The following CALHM5 variants were observed in gnomAD, a reference collection of about 807,000 sequenced individuals.
CALHM5 encodes calcium homeostasis modulator protein 5.
In CALHM5, 17 loss-of-function variants were observed where a neutral mutation model predicts 20.9. That is an observed-to-expected ratio of 0.82 (90% CI 0.56 to 1.22). The LOEUF (loss-of-function observed/expected upper bound fraction) is 1.22, where lower values mean the gene tolerates loss of function less well. Among genes scored for constraint, CALHM5 ranks in the 50% most tolerant of loss-of-function variants. CALHM5 has a pLI of 0.00. For missense variants in CALHM5, 360 were observed against 364.6 expected, an observed-to-expected ratio of 0.99 and a Z score of 0.10; for synonymous variants, 148 against 140.0, an observed-to-expected ratio of 1.06 and a Z score of -0.40.
At position 116,511,997 on chromosome 6, in the gene CALHM5, G is replaced by A. The variant is rs916094899; in HGVS notation, c.301G>A (p.Gly101Ser). The A allele has an allele frequency of 1.2e-6, 2 of 1,613,920 alleles. No individual in the cohort carries two copies. The highest frequency in any genetic ancestry group is 1.7e-5 in the Admixed American group (1 of 59,954). Residue 101 changes from glycine (G) to serine (S), a missense_variant, in exon 1 of 2, where the codon GGC (glycine) becomes AGC (serine). By Grantham distance (56) the Gly-to-Ser change is moderately conservative. Transcript: ENST00000368599. ...GHSCRFFYVL[G>S]QITLSSLVAP... ...CAGCTGCCGTTTCTTCTACGTCCTC[G>A]GCCAGATCACTCTGAGCTCATTGGT... is the stretch of plus-strand genomic sequence containing the variant.
rs1342633276 is a variant in CALHM5, at chr6:116,516,860, G to A, written c.*871G>A. ...CCCTTACAAGTATTATGGTCCTTAG[G>A]CACAGTGCTTACTAGGCCGTGGGTA... is the stretch of plus-strand genomic sequence containing the variant. On this transcript the variant is annotated 3_prime_UTR_variant, in exon 2 of 2. Transcript: ENST00000368599. 1.3e-5 allele frequency: 2 copies of A among 151,778 alleles called. No individual in the cohort carries two copies. The highest frequency in any genetic ancestry group is 6.6e-5 in the Admixed American group (1 of 15,238). The allele number at this position is 151,778 out of a possible 1,614,324, so 9.4% of individuals were successfully genotyped here.
Position 116,521,532 on chromosome 6 carries a change from C to G in CALHM5, c.*5543C>G, listed in dbSNP as rs2753109. 0.69 allele frequency: 104,151 copies of G among 151,028 alleles called. 36,124 individuals carry two copies. The highest frequency in any genetic ancestry group is 0.89 in the East Asian group (4,560 of 5,108). 9.4% of individuals were successfully genotyped at this position (151,028 alleles called of 1,614,324 possible). A position where few individuals can be genotyped will look rare whatever the true frequency, so the allele number is the denominator to read the frequency against. The stretch of plus-strand genomic sequence containing the variant: ...GGAGAGAGAGGGAGAGAGAGAGAGA[C>G]AGAGAGCAAATTTGCCCATCCTCTC... On this transcript the variant is annotated 3_prime_UTR_variant, in exon 2 of 2. Coordinates refer to ENST00000368599, the MANE Select transcript of CALHM5 (RefSeq NM_153711.5).
rs951605238 is a variant in CALHM5 at position 116,524,734 on chromosome 6, T to C, written c.*8745T>C. The C allele has an allele frequency of 6.6e-6, 1 of 152,218 alleles. No homozygotes were observed. The highest frequency in any genetic ancestry group is 2.4e-5 in the African/African-American group (1 of 41,474). 9.4% of individuals were successfully genotyped at this position (152,218 alleles called of 1,614,324 possible). A position where few individuals can be genotyped will look rare whatever the true frequency, so the allele number is the denominator to read the frequency against. ...TTTTTCCTGCTACAAGTTTACTCTT[T>C]CATTGTGGAGAATCATTTTCTTATA... On this transcript the variant is annotated 3_prime_UTR_variant, in exon 2 of 2. Coordinates refer to ENST00000368599, the MANE Select transcript of CALHM5 (RefSeq NM_153711.5).
rs944489140 is a variant in CALHM5, at chr6:116,522,417, G to C, written c.*6428G>C. ...ACATGAAAATCAGAATTTATAAAAA[G>C]ACAAAAATTACAGGCAAATTGTATT... On this transcript the variant is annotated 3_prime_UTR_variant, in exon 2 of 2. Coordinates refer to ENST00000368599, the MANE Select transcript of CALHM5 (RefSeq NM_153711.5). 39 of 152,136 alleles carry C rather than the reference G, an allele frequency of 2.6e-4. No homozygotes were observed. The highest frequency in any genetic ancestry group is 8.9e-4 in the African/African-American group (37 of 41,432). The allele number at this position is 152,136 out of a possible 1,614,324, so 9.4% of individuals were successfully genotyped here. A position where few individuals can be genotyped will look rare whatever the true frequency, so the allele number is the denominator to read the frequency against.
At chr6:116,512,361 T>G in intron 1 of CALHM5, 125 bp downstream of exon 1, 1 of 1,090,766 alleles carries the variant, frequency 9.2e-7, no homozygotes, top group Non-Finnish European at 1.3e-6. Context: ...AACTGAAACA[T>G]GATGCAGCAT....
rs1772332945 is a variant in CALHM5 at position 116,521,203 on chromosome 6, T to A, written c.*5214T>A. ...CATGACAAATATATAACAAAATATATGTGCTATATATATTGTGTGTGTATA... is the reference window on the plus strand; with the variant it reads ...CATGACAAATATATAACAAAATATAAGTGCTATATATATTGTGTGTGTATA... On this transcript the variant is annotated 3_prime_UTR_variant, in exon 2 of 2. Coordinates refer to ENST00000368599, the MANE Select transcript of CALHM5 (RefSeq NM_153711.5). 1 of 152,034 alleles carries A rather than the reference T, an allele frequency of 6.6e-6. No homozygotes were observed. The highest frequency in any genetic ancestry group is 1.5e-5 in the Non-Finnish European group (1 of 68,024). The allele number at this position is 152,034 out of a possible 1,614,324, so 9.4% of individuals were successfully genotyped here.
rs1562340347 is a variant in CALHM5 at position 116,515,709 on chromosome 6, C to T, written c.650C>T (p.Thr217Ile). ...VSYLQLSFWK[T>I]YAQKEKEQLE... ...TACCTTCAGCTGAGTTTTTGGAAGA[C>T]ATATGCACAAAAGGAGAAGGAGCAG... Residue 217 changes from threonine (T) to isoleucine (I), a missense_variant, in exon 2 of 2, where the codon ACA becomes ATA. Physicochemically the swap from Thr to Ile is moderately conservative, Grantham distance 89 (BLOSUM62 -1). Coordinates refer to ENST00000368599, the MANE Select transcript of CALHM5 (RefSeq NM_153711.5). 1 of 1,613,992 alleles carries T rather than the reference C, an allele frequency of 6.2e-7. No individual in the cohort carries two copies. Among genetic ancestry groups the T allele is most frequent in the Non-Finnish European group, 8.5e-7 (1 of 1,179,928 alleles).
chr6:116,514,843 A>C (rs1313216986), intron 1 of CALHM5, among the ~76,000 whole-genome samples: 1 of 152,258 alleles, frequency 6.6e-6, no homozygotes, highest in African/African-American at 2.4e-5. Flanking sequence ...ACTAAATGTC[A>C]AGAGACACTT....
rs970233407 is a variant in CALHM5 at position 116,520,051 on chromosome 6, T to C, written c.*4062T>C. On this transcript the variant is annotated 3_prime_UTR_variant, in exon 2 of 2. Coordinates refer to ENST00000368599, the MANE Select transcript of CALHM5 (RefSeq NM_153711.5). ...AGTAATGTATTGTAAAATATATGTG[T>C]CCAAAGCAACTTTTAAAATTTTTGT... 1 of 152,188 alleles carries C rather than the reference T, an allele frequency of 6.6e-6. No individual in the cohort carries two copies. Among genetic ancestry groups the C allele is most frequent in the Admixed American group, 6.5e-5 (1 of 15,274 alleles). 9.4% of individuals were successfully genotyped at this position (152,188 alleles called of 1,614,324 possible).
rs147656108 is a variant in CALHM5 at position 116,517,707 on chromosome 6, C to A, written c.*1718C>A. 1 of 152,042 alleles carries A rather than the reference C, an allele frequency of 6.6e-6. No individual in the cohort carries two copies. The highest frequency in any genetic ancestry group is 2.4e-5 in the African/African-American group (1 of 41,404). 9.4% of individuals were successfully genotyped at this position (152,042 alleles called of 1,614,324 possible). On this transcript the variant is annotated 3_prime_UTR_variant, in exon 2 of 2. Coordinates refer to ENST00000368599, the MANE Select transcript of CALHM5 (RefSeq NM_153711.5). ...CTCCCAAGTGATGTGTCTGGTAGTA[C>A]GCGAATGAGATGACTGATAGTTAGG... is the stretch of plus-strand genomic sequence containing the variant.
At position 116,524,431 on chromosome 6, in the gene CALHM5, A is replaced by G. The variant is rs530668014; in HGVS notation, c.*8442A>G. 3 of 152,310 alleles carry G rather than the reference A, an allele frequency of 2.0e-5. No individual in the cohort carries two copies. Among genetic ancestry groups the G allele is most frequent in the South Asian group, 4.1e-4 (2 of 4,832 alleles). The allele number at this position is 152,310 out of a possible 1,614,324, so 9.4% of individuals were successfully genotyped here. A position where few individuals can be genotyped will look rare whatever the true frequency, so the allele number is the denominator to read the frequency against. ...CTCAGCAAAGGCTCACAGGAATGCT[A>G]TTCTCTGAATTCTTACATATTCAGC... is the stretch of plus-strand genomic sequence containing the variant. On this transcript the variant is annotated 3_prime_UTR_variant, in exon 2 of 2. Transcript: ENST00000368599.
intron 1 of CALHM5, among the ~76,000 whole-genome samples, chr6:116,513,504 C>T (rs1772164869): frequency 6.6e-6 from 1 of 152,168 alleles, no homozygotes; most frequent in African/African-American, 2.4e-5. Flanking sequence ...ATTGTGTGAG[C>T]TTCTCCTCTC....
chr6:116,516,156 G>A lies in CALHM5; in HGVS notation c.*167G>A. ...TTTGAAGCTCTCAAGTGGAACATCA[G>A]GATGTGCTCAAATTGATGCTGAGGG... On this transcript the variant is annotated 3_prime_UTR_variant, in exon 2 of 2. Transcript: ENST00000368599. 1 of 850,196 alleles carries A rather than the reference G, an allele frequency of 1.2e-6. No individual in the cohort carries two copies. Among genetic ancestry groups the A allele is most frequent in the Admixed American group, 3.4e-5 (1 of 29,248 alleles). 52.7% of individuals were successfully genotyped at this position (850,196 alleles called of 1,614,324 possible). A position where few individuals can be genotyped will look rare whatever the true frequency, so the allele number is the denominator to read the frequency against.
Position 116,512,461 on chromosome 6 carries a change from A to C in CALHM5, c.540+225A>C, listed in dbSNP as rs940323865. ...TCTCTTTTCCGGTTCTGAAAAGAAA[A>C]TATCCACTGGATTGTCCACATATAA... On this transcript the variant is annotated intron_variant, in intron 1 of 1. Transcript: ENST00000368599. 6 of 525,654 alleles carry C rather than the reference A, an allele frequency of 1.1e-5. 1 individual carries two copies. Among genetic ancestry groups the C allele is most frequent in the Non-Finnish European group, 6.7e-6 (2 of 296,678 alleles). The allele number at this position is 525,654 out of a possible 1,614,324, so 32.6% of individuals were successfully genotyped here.
Position 116,522,363 on chromosome 6 carries a change from C to A in CALHM5, c.*6374C>A, listed in dbSNP as rs981837199. Reference sequence around the variant, plus strand: ...GGCTTTAAGCCACTGAATTTTGGGGCAATATGAAGCGACAGAACCTGAACA... The same window carrying A: ...GGCTTTAAGCCACTGAATTTTGGGGAAATATGAAGCGACAGAACCTGAACA... On this transcript the variant is annotated 3_prime_UTR_variant, in exon 2 of 2. Coordinates refer to ENST00000368599, the MANE Select transcript of CALHM5 (RefSeq NM_153711.5). 5 of 152,126 alleles carry A rather than the reference C, an allele frequency of 3.3e-5. No homozygotes were observed. Among genetic ancestry groups the A allele is most frequent in the African/African-American group, 1.2e-4 (5 of 41,414 alleles). 9.4% of individuals were successfully genotyped at this position (152,126 alleles called of 1,614,324 possible).
chr6:116,520,085 C>T lies in CALHM5; in HGVS notation c.*4096C>T, dbSNP rs1772303156. On this transcript the variant is annotated 3_prime_UTR_variant, in exon 2 of 2. Coordinates refer to ENST00000368599, the MANE Select transcript of CALHM5 (RefSeq NM_153711.5). ...ACTTTTAAAATTTTTGTATGGTTTTCTACTTGAGACCTTTAAAGCATCACT... is the reference window on the plus strand; with the variant it reads ...ACTTTTAAAATTTTTGTATGGTTTTTTACTTGAGACCTTTAAAGCATCACT... 1 of 152,044 alleles carries T rather than the reference C, an allele frequency of 6.6e-6. No individual in the cohort carries two copies. The highest frequency in any genetic ancestry group is 3.2e-3 in the Middle Eastern group (1 of 316). The allele number at this position is 152,044 out of a possible 1,614,324, so 9.4% of individuals were successfully genotyped here.
At position 116,516,718 on chromosome 6, in the gene CALHM5, C is replaced by G. The variant is rs1419329836; in HGVS notation, c.*729C>G. ...ATATATATATATATATACACACACACAGAAATATATATTTATAACTGCATT... is the reference window on the plus strand; with the variant it reads ...ATATATATATATATATACACACACAGAGAAATATATATTTATAACTGCATT... On this transcript the variant is annotated 3_prime_UTR_variant, in exon 2 of 2. Coordinates refer to ENST00000368599, the MANE Select transcript of CALHM5 (RefSeq NM_153711.5). 2 of 127,672 alleles carry G rather than the reference C, an allele frequency of 1.6e-5. No individual in the cohort carries two copies. The highest frequency in any genetic ancestry group is 8.0e-5 in the Admixed American group (1 of 12,476). The allele number at this position is 127,672 out of a possible 1,614,324, so 7.9% of individuals were successfully genotyped here. A position where few individuals can be genotyped will look rare whatever the true frequency, so the allele number is the denominator to read the frequency against.
At chr6:116,512,277 T>G in intron 1 of CALHM5, 41 bp downstream of exon 1, 1 of 1,550,156 alleles carries the variant, frequency 6.5e-7, no homozygotes, top group South Asian at 1.2e-5. Context: ...CAGCATGAGC[T>G]CGAAGTATTC....
In CALHM5 at chr6:116,511,723, A is replaced by T; in HGVS notation, c.27A>T (p.Lys9Asn). The change falls in exon 1 of 2, where the codon AAA becomes AAT. Residue 9 changes from lysine to asparagine, a missense_variant. Coordinates refer to ENST00000368599, the MANE Select transcript of CALHM5 (RefSeq NM_153711.5). MDAFQGIL[K>N]FFLNQKTVIG... is the part of the protein sequence containing the mutation. ...TGGATGCTTTTCAGGGCATTTTAAA[A>T]TTCTTCCTTAATCAGAAAACTGTTA... 1 of 1,613,700 alleles carries T rather than the reference A, an allele frequency of 6.2e-7. No homozygotes were observed. The highest frequency in any genetic ancestry group is 8.5e-7 in the Non-Finnish European group (1 of 1,179,868).
Sources: allele counts gnomAD v4.1 joint callset (sites outside exome capture counted in the v4.1 genomes callset), GRCh38; gene constraint gnomAD v4.1.1; transcripts MANE v1.5; gene names NCBI Gene and HGNC (gene_info 2026-07-23, HGNC 2026-07-21).